Variants in RGS6 observed in about 807,000 individuals in gnomAD.
RGS6 encodes the protein regulator of G protein signaling 6, also known as regulator of G-protein signaling 6.
In RGS6, 30 loss-of-function variants were observed where a neutral mutation model predicts 78.5. The ratio of observed to expected loss-of-function variants is 0.38; its 90% CI spans 0.29 to 0.52. The LOEUF is 0.52. Among genes scored for constraint, RGS6 ranks in the 20% least tolerant of loss-of-function variants. The probability of loss-of-function intolerance (pLI) is 0.85; values close to 1 mark genes in which losing one functional copy is unlikely to be tolerated. For missense variants in RGS6, 495 were observed against 609.7 expected (o/e 0.81, Z 1.98); for synonymous variants, 206 against 206.0 (o/e 1.00, Z 0.00).
chr14:72,513,029 C>G (rs922992336), intron 14 of RGS6, among the ~76,000 whole-genome samples: 1 of 152,242 alleles, frequency 6.6e-6, no homozygotes, highest in Non-Finnish European at 1.5e-5. Context: ...GGAGTCGTCC[C>G]TTCTCCGCAG....
chr14:72,621,011 T>C, the RGS6 span, among the ~76,000 whole-genome samples: 12 of 152,084 alleles, frequency 7.9e-5, no homozygotes, highest in East Asian at 2.3e-3. Flanking sequence ...CATGGTGGCG[T>C]GCACCTGTAA....
chr14:72,276,067 G>A (rs2060617919), intron 2 of RGS6, among the ~76,000 whole-genome samples: 1 of 152,200 alleles, frequency 6.6e-6, no homozygotes, highest in African/African-American at 2.4e-5. Context: ...TAGTGAGGGT[G>A]TGCTGCTGGG....
the RGS6 span, among the ~76,000 whole-genome samples, chr14:71,926,585 G>GAAA: frequency 5.9e-5 from 3 of 51,244 alleles, no homozygotes; most frequent in African/African-American, 1.5e-4. Context: ...CTCTGTCTCA[G>GAAA]AAAAAAAAAA....
At chr14:72,272,222 G>A (rs929554900) in intron 2 of RGS6, among the ~76,000 whole-genome samples, 1 of 152,160 alleles carries the variant, frequency 6.6e-6, no homozygotes, top group Non-Finnish European at 1.5e-5. Flanking sequence ...CTGGGCTCAG[G>A]AGTGAAGAGG....
At chr14:72,193,030 T>G (rs2097348121) in intron 2 of RGS6, among the ~76,000 whole-genome samples, 1 of 151,244 alleles carries the variant, frequency 6.6e-6, no homozygotes, top group Admixed American at 6.6e-5. Context: ...TCTCACTCTG[T>G]CACTCAGGCT....
chr14:71,980,949 C>G, intron 2 of RGS6, among the ~76,000 whole-genome samples: 1 of 109,492 alleles, frequency 9.1e-6, no homozygotes, highest in African/African-American at 3.3e-5. Flanking sequence ...TTCTTGGAGG[C>G]TTTGCTCATT....
At chr14:72,263,849 A>G (rs1055719651) in intron 2 of RGS6, among the ~76,000 whole-genome samples, 6 of 152,210 alleles carry the variant, frequency 3.9e-5, no homozygotes, top group African/African-American at 1.4e-4. Context: ...TAGCAGCCCA[A>G]ATGGACTAAT....
chr14:72,249,706 C>T (rs2055128261), intron 2 of RGS6, among the ~76,000 whole-genome samples: 1 of 151,940 alleles, frequency 6.6e-6, no homozygotes, highest in African/African-American at 2.4e-5. Flanking sequence ...TAGAGAGGTG[C>T]TAAAGCTGAT....
intron 3 of RGS6, among the ~76,000 whole-genome samples, chr14:72,405,814 A>G (rs2092872063): frequency 6.6e-6 from 1 of 152,114 alleles, no homozygotes; most frequent in African/African-American, 2.4e-5. Flanking sequence ...GATGGGATTG[A>G]ATTTTCTATT....
intron 17 of RGS6, among the ~76,000 whole-genome samples, chr14:72,562,045 C>G (rs1329722231): frequency 6.6e-6 from 1 of 152,236 alleles, no homozygotes; most frequent in African/African-American, 2.4e-5. Context: ...CCAAGTCCAC[C>G]TTTTCCTCCC....
intron 3 of RGS6, among the ~76,000 whole-genome samples, chr14:72,413,191 G>A (rs1399067593): frequency 6.6e-6 from 1 of 152,152 alleles, no homozygotes; most frequent in African/African-American, 2.4e-5. Context: ...CATTATTATT[G>A]TGTGGGAGTC....
intron 2 of RGS6, among the ~76,000 whole-genome samples, chr14:72,294,228 G>A (rs770806492): frequency 6.6e-6 from 1 of 152,220 alleles, no homozygotes; most frequent in Non-Finnish European, 1.5e-5. Context: ...TGATTTTCCT[G>A]TATTAGGATA....
At position 71,953,860 on chromosome 14, in the gene RGS6, G is replaced by T. The variant is rs577674264; in HGVS notation, c.-20-10912G>T. On this transcript the variant is annotated intron_variant, in intron 1 of 17. Coordinates refer to ENST00000553525, the MANE Select transcript of RGS6 (RefSeq NM_001204424.2). ...AACTTCTTTTTGCATTTCTTGCATA[G>T]CAGGTTTGCTGGTGATAAATTTCCT... 2.0e-5 allele frequency among the ~76,000 whole-genome samples: 3 copies of T among 151,172 alleles called. No individual in the cohort carries two copies. The East Asian group carries it at 5.8e-4, about 29-fold the overall frequency.
intron 2 of RGS6, among the ~76,000 whole-genome samples, chr14:72,025,582 T>G (rs2153290929): frequency 6.6e-6 from 1 of 152,232 alleles, no homozygotes. Flanking sequence ...GTCTTTTATT[T>G]CAGACCTTAC....
At chr14:72,544,751 C>T (rs1036383145) in intron 17 of RGS6, among the ~76,000 whole-genome samples, 2 of 152,222 alleles carry the variant, frequency 1.3e-5, no homozygotes, top group African/African-American at 4.8e-5. Flanking sequence ...CCCTCGCCCC[C>T]TCCTTCCATC....
At chr14:72,465,908 T>C in intron 7 of RGS6, 86 bp downstream of exon 7, 1 of 1,116,654 alleles carries the variant, frequency 9.0e-7, no homozygotes, top group Non-Finnish European at 1.3e-6. Context: ...TTTTTTTCTT[T>C]TGTCCCCCTT....
At chr14:72,530,829 C>G (rs2097172935) in intron 15 of RGS6, among the ~76,000 whole-genome samples, 1 of 152,238 alleles carries the variant, frequency 6.6e-6, no homozygotes, top group South Asian at 2.1e-4. Flanking sequence ...GTGTAATCCT[C>G]ATTCTCCTTC....
chr14:72,494,951 CA>C lies in RGS6; in HGVS notation c.855-200del, dbSNP rs376701802. Among the ~76,000 whole-genome samples, 52 of 152,198 alleles carry C rather than the reference CA, an allele frequency of 3.4e-4. 1 individual carries two copies. In the South Asian group the frequency reaches 0.011, roughly 32 times the overall value. Reference sequence around the variant, plus strand: ...ATGCATGTATATATCATGGCTGCAACAGTGCAAAAATGGTATGTTCGTTATA... The same window carrying C: ...ATGCATGTATATATCATGGCTGCAACGTGCAAAAATGGTATGTTCGTTATA... On this transcript the variant is annotated intron_variant, in intron 12 of 17. Transcript: ENST00000553525.
At chr14:72,383,257 A>C (rs1486828729) in intron 3 of RGS6, among the ~76,000 whole-genome samples, 1 of 147,930 alleles carries the variant, frequency 6.8e-6, no homozygotes, top group Non-Finnish European at 1.5e-5. Context: ...AGAGGGAGAA[A>C]GATTGATTTT....
Sources: gnomAD v4.1 joint callset for allele counts (sites outside exome capture counted in the v4.1 genomes callset) on GRCh38, gnomAD v4.1.1 for gene constraint, MANE v1.5 for transcripts, NCBI Gene and HGNC (gene_info 2026-07-23, HGNC 2026-07-21) for gene names.